CD109: variants seen among roughly 807,000 people sequenced by gnomAD.
CD109 encodes the protein CD109 antigen.
CD109 carries 149 observed loss-of-function variants against 165.8 expected under a neutral mutation model. That is an observed-to-expected ratio of 0.90 (90% CI 0.79 to 1.03). The LOEUF (loss-of-function observed/expected upper bound fraction) is 1.03. CD109 is among the 50% of genes least tolerant of loss of function. The probability of loss-of-function intolerance (pLI) is 0.00; values close to 1 mark genes in which losing one functional copy is unlikely to be tolerated. For missense variants in CD109, 1,712 were observed against 1,677.8 expected (o/e 1.02, Z -0.36); for synonymous variants, 585 against 592.1 (o/e 0.99, Z 0.18).
At chr6:73,712,798 C>G (rs866092941) in intron 2 of CD109, among the ~76,000 whole-genome samples, 22 of 152,144 alleles carry the variant, frequency 1.4e-4, no homozygotes, top group South Asian at 2.1e-4. Context: ...AAAGGGTTTT[C>G]AGATTGATTG....
At chr6:73,769,158 G>A (rs115035652) in intron 14 of CD109, among the ~76,000 whole-genome samples, 223 of 152,250 alleles carry the variant, frequency 1.5e-3, no homozygotes, top group African/African-American at 5.0e-3. Flanking sequence ...TCAAGGTGCC[G>A]GGATTACAGA....
chr6:73,816,090 G>C (rs1192481650), intron 30 of CD109, among the ~76,000 whole-genome samples: 1 of 152,154 alleles, frequency 6.6e-6, no homozygotes, highest in East Asian at 1.9e-4. Context: ...CCTGGACCCA[G>C]TCTCCGCCAT....
At chr6:73,757,665 T>C (rs1016562484) in intron 6 of CD109, among the ~76,000 whole-genome samples, 1 of 152,202 alleles carries the variant, frequency 6.6e-6, no homozygotes, top group African/African-American at 2.4e-5. Flanking sequence ...TGTCAAAGAC[T>C]TAGTACAAGA....
intron 4 of CD109, among the ~76,000 whole-genome samples, chr6:73,734,443 T>A (rs1772474524): frequency 6.6e-6 from 1 of 152,244 alleles, no homozygotes; most frequent in African/African-American, 2.4e-5. Flanking sequence ...ATTGTTTTCA[T>A]TTGTATTTCC....
intron 4 of CD109, among the ~76,000 whole-genome samples, chr6:73,734,088 G>C (rs980206635): frequency 6.6e-6 from 1 of 152,218 alleles, no homozygotes; most frequent in Non-Finnish European, 1.5e-5. Flanking sequence ...GGGCTCCGCT[G>C]TGACATCACC....
intron 3 of CD109, 108 bp downstream of exon 3, chr6:73,723,387 T>C (rs1462615541): frequency 3.9e-5 from 35 of 902,302 alleles, no homozygotes; most frequent in Non-Finnish European, 5.9e-5. Context: ...TCACGTTTCA[T>C]GTAAGTTTGG....
At chr6:73,717,688 C>T (rs1463233426) in intron 2 of CD109, among the ~76,000 whole-genome samples, 6 of 138,046 alleles carry the variant, frequency 4.3e-5, no homozygotes, top group South Asian at 4.6e-4. Context: ...GGCGCAATCT[C>T]GGCTCACTGC....
chr6:73,744,558 A>G (rs1772908981), intron 5 of CD109, among the ~76,000 whole-genome samples: 1 of 152,220 alleles, frequency 6.6e-6, no homozygotes, highest in Non-Finnish European at 1.5e-5. Context: ...CAAGAGCTGA[A>G]TATTCTAGTT....
intron 15 of CD109, among the ~76,000 whole-genome samples, chr6:73,778,248 A>G (rs1774335823): frequency 6.6e-6 from 1 of 152,142 alleles, no homozygotes; most frequent in African/African-American, 2.4e-5. Flanking sequence ...ATTTTCACAC[A>G]TCGAGGCTTT....
chr6:73,805,759 C>T (rs1348511664), intron 24 of CD109, among the ~76,000 whole-genome samples: 1 of 152,130 alleles, frequency 6.6e-6, no homozygotes, highest in African/African-American at 2.4e-5. Flanking sequence ...AACGAGCATG[C>T]TGCCTTCAAG....
chr6:73,810,922 A>G, intron 27 of CD109, 70 bp from the exon 28 acceptor site: 2 of 1,443,454 alleles, frequency 1.4e-6, no homozygotes, highest in East Asian at 2.3e-5. Flanking sequence ...GCAACAAAAT[A>G]CTACTAAATT....
chr6:73,786,817 TA>T (rs777003652), intron 20 of CD109, among the ~76,000 whole-genome samples: 17 of 152,206 alleles, frequency 1.1e-4, no homozygotes, highest in Non-Finnish European at 2.5e-4. Flanking sequence ...GAGACTTCAA[TA>T]AATTCAATAA....
chr6:73,791,490 C>G (rs1211837916), intron 22 of CD109, among the ~76,000 whole-genome samples: 1 of 151,870 alleles, frequency 6.6e-6, no homozygotes, highest in Non-Finnish European at 1.5e-5. Flanking sequence ...CACACATATA[C>G]ACAGAGGGAA....
rs1022225510 is a variant in CD109, at chr6:73,828,312, T to A, written c.*4679T>A. The A allele has an allele frequency of 6.6e-6, 1 of 152,368 alleles. No homozygotes were observed. The highest frequency in any genetic ancestry group is 1.5e-5 in the Non-Finnish European group (1 of 68,104). 9.4% of individuals were successfully genotyped at this position (152,368 alleles called of 1,614,324 possible). A position where few individuals can be genotyped will look rare whatever the true frequency, so the allele number is the denominator to read the frequency against. On this transcript the variant is annotated 3_prime_UTR_variant, in exon 33 of 33. Coordinates refer to ENST00000287097, the MANE Select transcript of CD109 (RefSeq NM_133493.5). Reference sequence around the variant, plus strand: ...ATTAATAAAAGCTTAAATTCTCATCTATTTATTATGTGTTCTTTTTATTTT... The same window carrying A: ...ATTAATAAAAGCTTAAATTCTCATCAATTTATTATGTGTTCTTTTTATTTT...
intron 8 of CD109, 90 bp from the exon 9 acceptor site, chr6:73,762,651 C>A: frequency 9.4e-7 from 1 of 1,068,182 alleles, no homozygotes; most frequent in Non-Finnish European, 1.4e-6. Context: ...GGTACCAGAG[C>A]TATCATATTG....
the CD109 span, among the ~76,000 whole-genome samples, chr6:73,683,395 C>G: frequency 6.6e-6 from 1 of 152,186 alleles, no homozygotes; most frequent in Non-Finnish European, 1.5e-5. Flanking sequence ...CAGTTCCCAA[C>G]AAGCTCCTCA....
chr6:73,690,037 T>A, the CD109 span, among the ~76,000 whole-genome samples: 23 of 152,356 alleles, frequency 1.5e-4, no homozygotes, highest in Admixed American at 1.4e-3. Context: ...TATATTCTTT[T>A]TTATTCAGTG....
At chr6:73,812,610 A>G (rs756686957) in intron 29 of CD109, among the ~76,000 whole-genome samples, 26 of 152,242 alleles carry the variant, frequency 1.7e-4, no homozygotes, top group African/African-American at 5.3e-4. Flanking sequence ...ATAGAAGTCA[A>G]CATGGTAGAA....
At chr6:73,699,287 A>G (rs12526894) in intron 2 of CD109, among the ~76,000 whole-genome samples, 240 of 152,316 alleles carry the variant, frequency 1.6e-3, no homozygotes, top group Middle Eastern at 0.01. Flanking sequence ...ATGAAATAAC[A>G]TGTACACTAA....
Sources: gnomAD v4.1 joint callset for allele counts (sites outside exome capture counted in the v4.1 genomes callset) on GRCh38, gnomAD v4.1.1 for gene constraint, MANE v1.5 for transcripts, NCBI Gene and HGNC (gene_info 2026-07-23, HGNC 2026-07-21) for gene names.